The following POMK variants were observed in gnomAD, a reference collection of about 807,000 sequenced individuals.
POMK encodes protein O-mannose kinase, also known as Sugen kinase 196.
Under a neutral mutation model 23.0 loss-of-function variants are expected in POMK, and 19 were observed. That is an observed-to-expected ratio of 0.83 (90% CI 0.58 to 1.21). The LOEUF is 1.21. Ranked by LOEUF, POMK falls within the 50% of genes most tolerant of loss-of-function variation. The probability of loss-of-function intolerance (pLI) is 0.00; values close to 1 mark genes in which losing one functional copy is unlikely to be tolerated. For missense variants in POMK, 410 were observed against 431.3 expected, an observed-to-expected ratio of 0.95 and a Z score of 0.44; for synonymous variants, 173 against 171.6, an observed-to-expected ratio of 1.01 and a Z score of -0.06.
intron 4 of POMK, among the ~76,000 whole-genome samples, chr8:43,121,042 C>G (rs1019893506): frequency 1.3e-5 from 2 of 152,200 alleles, no homozygotes; most frequent in Non-Finnish European, 2.9e-5. Context: ...CATGCTGCTC[C>G]CATCTTTTGA....
At chr8:43,118,668 TTGTG>T (rs1811850310) in intron 4 of POMK, among the ~76,000 whole-genome samples, 1 of 152,230 alleles carries the variant, frequency 6.6e-6, no homozygotes, top group African/African-American at 2.4e-5. Flanking sequence ...ATTCAAATAT[TTGTG>T]TGTGATCTCA....
At chr8:43,099,021 A>G (rs974918739) in intron 2 of POMK, among the ~76,000 whole-genome samples, 3 of 152,210 alleles carry the variant, frequency 2.0e-5, no homozygotes, top group Non-Finnish European at 4.4e-5. Context: ...ATCACAGCTC[A>G]CTGCAGCCTT....
intron 4 of POMK, among the ~76,000 whole-genome samples, chr8:43,112,079 T>A (rs866675995): frequency 8.9e-5 from 13 of 146,162 alleles, no homozygotes; most frequent in Middle Eastern, 6.8e-3. Context: ...ATGACTTTGA[T>A]GAGTTGAGAG....
At chr8:43,110,548 T>C (rs1586674660) in intron 4 of POMK, among the ~76,000 whole-genome samples, 2 of 152,388 alleles carry the variant, frequency 1.3e-5, no homozygotes, top group East Asian at 3.9e-4. Context: ...ACTTTCAGAC[T>C]TTTCCTAAAC....
intron 1 of POMK, among the ~76,000 whole-genome samples, chr8:43,096,123 G>C (rs761489694): frequency 2.7e-4 from 41 of 152,332 alleles, no homozygotes; most frequent in Admixed American, 1.4e-3. Context: ...GTGCAGTGGT[G>C]AACAGGACAG....
chr8:43,100,830 G>A (rs933820744), intron 2 of POMK, among the ~76,000 whole-genome samples: 19 of 151,926 alleles, frequency 1.3e-4, no homozygotes, highest in African/African-American at 4.6e-4. Context: ...TCAGAGGCCC[G>A]GTGCGCTAAG....
Position 43,122,865 on chromosome 8 carries a change from A to G in POMK, c.1041A>G (p.Arg347=). Residue 347 remains arginine, a synonymous_variant, in exon 5 of 5, where the codon AGA becomes AGG. Coordinates refer to ENST00000331373, the MANE Select transcript of POMK (RefSeq NM_032237.5). ...TLRDAMMSQA[R]EML is the part of the protein sequence containing the mutation. ...GAGATGCCATGATGTCTCAGGCAAG[A>G]GAGATGCTGTGAAAACCAGTCCAGC... The G allele has an allele frequency of 1.2e-6, 2 of 1,608,426 alleles. No homozygotes were observed. Among genetic ancestry groups the G allele is most frequent in the Non-Finnish European group, 1.7e-6 (2 of 1,178,302 alleles).
chr8:43,116,367 T>C (rs565980361), intron 4 of POMK, among the ~76,000 whole-genome samples: 1 of 152,306 alleles, frequency 6.6e-6, no homozygotes, highest in South Asian at 2.1e-4. Flanking sequence ...CAAACTCCAG[T>C]GATCCTCCCA....
At chr8:43,120,422 T>C (rs1458414675) in intron 4 of POMK, among the ~76,000 whole-genome samples, 3 of 151,736 alleles carry the variant, frequency 2.0e-5, no homozygotes, top group South Asian at 2.1e-4. Context: ...GGTTTCGTCA[T>C]GTTGGCTAGG....
intron 2 of POMK, among the ~76,000 whole-genome samples, chr8:43,101,417 C>CAA (rs1156411465): frequency 0.029 from 1,668 of 57,470 alleles, 22 homozygotes; most frequent in Non-Finnish European, 0.044. Flanking sequence ...GACCCTATGT[C>CAA]AAAAAAAAAA....
Position 43,122,608 on chromosome 8 carries a change from T to C in POMK, c.784T>C (p.Tyr262His). 6.2e-7 allele frequency: 1 copy of C among 1,614,224 alleles called. No individual in the cohort carries two copies. The highest frequency in any genetic ancestry group is 8.5e-7 in the Non-Finnish European group (1 of 1,180,042). Residue 262 changes from tyrosine to histidine, a missense_variant, in exon 5 of 5, where the codon TAT becomes CAT. Physicochemically the swap from Tyr to His is moderately conservative, Grantham distance 83. Coordinates refer to ENST00000331373, the MANE Select transcript of POMK (RefSeq NM_032237.5). The part of the protein sequence containing the change: ...DFVAPEQLWP[Y>H]GEDVPFHDDL... ...CGTGGCTCCAGAGCAACTGTGGCCCTATGGAGAGGACGTGCCTTTCCACGA... is the reference window on the plus strand; with the variant it reads ...CGTGGCTCCAGAGCAACTGTGGCCCCATGGAGAGGACGTGCCTTTCCACGA...
In POMK at chr8:43,122,462, CCCAG is replaced by C; in HGVS notation, c.639_642del (p.Gln214IlefsTer3). The C allele has an allele frequency of 6.2e-6, 10 of 1,614,170 alleles. No individual in the cohort carries two copies. The highest frequency in any genetic ancestry group is 8.5e-6 in the Non-Finnish European group (10 of 1,180,014). On this transcript the variant is annotated frameshift_variant, in exon 5 of 5. Transcript: ENST00000331373. LOFTEE classifies it high-confidence loss of function. ...TCCAACGACCTGCCGAAGACACTGT[CCCAG>C]TATCTGCTAACAAGCAACTTCAGCA... is the stretch of plus-strand genomic sequence containing the variant.
At chr8:43,106,588 C>T (rs919303924) in intron 4 of POMK, among the ~76,000 whole-genome samples, 1 of 150,732 alleles carries the variant, frequency 6.6e-6, no homozygotes, top group African/African-American at 2.4e-5. Flanking sequence ...TGGCTCACCG[C>T]AACCTCCACC....
chr8:43,093,938 C>CG (rs1431081659), intron 1 of POMK, among the ~76,000 whole-genome samples: 1 of 152,174 alleles, frequency 6.6e-6, no homozygotes, highest in Non-Finnish European at 1.5e-5. Context: ...CTTAGCCGGG[C>CG]GCGGTGGCGC....
intron 2 of POMK, among the ~76,000 whole-genome samples, chr8:43,101,808 A>C (rs768306875): frequency 6.6e-6 from 1 of 152,232 alleles, no homozygotes; most frequent in Non-Finnish European, 1.5e-5. Context: ...AGGAGTCTTC[A>C]TCCAAAGGGG....
chr8:43,117,334 A>G (rs1451037131), intron 4 of POMK, among the ~76,000 whole-genome samples: 1 of 152,252 alleles, frequency 6.6e-6, no homozygotes, highest in Non-Finnish European at 1.5e-5. Flanking sequence ...AATCATAAGA[A>G]AAAATACATT....
At chr8:43,106,645 GATT>G (rs1361975682) in intron 4 of POMK, among the ~76,000 whole-genome samples, 1 of 151,792 alleles carries the variant, frequency 6.6e-6, no homozygotes, top group Non-Finnish European at 1.5e-5. Flanking sequence ...GAGTAGCTGG[GATT>G]ACAGGCGCCC....
chr8:43,120,639 T>C (rs1214179934), intron 4 of POMK, among the ~76,000 whole-genome samples: 2 of 152,050 alleles, frequency 1.3e-5, no homozygotes, highest in East Asian at 3.9e-4. Flanking sequence ...TGGGGGTACA[T>C]GTACGCTCCA....
At chr8:43,121,289 CCTTCT>C (rs1279970906) in intron 4 of POMK, among the ~76,000 whole-genome samples, 2 of 152,172 alleles carry the variant, frequency 1.3e-5, no homozygotes, top group Non-Finnish European at 2.9e-5. Flanking sequence ...TAATCTTCTG[CCTTCT>C]CTTGGGATTT....
Sources: allele counts gnomAD v4.1 joint callset (sites outside exome capture counted in the v4.1 genomes callset), GRCh38; gene constraint gnomAD v4.1.1; transcripts MANE v1.5; gene names NCBI Gene and HGNC (gene_info 2026-07-23, HGNC 2026-07-21).